SHLD2: variants seen among roughly 807,000 people sequenced by gnomAD.
SHLD2 encodes the protein shieldin complex subunit 2.
In SHLD2, 30 loss-of-function variants were observed where a neutral mutation model predicts 73.2. That is an observed-to-expected ratio of 0.41 (90% CI 0.31 to 0.56). SHLD2 has a LOEUF of 0.56. SHLD2 is among the 20% of genes least tolerant of loss of function. SHLD2 has a pLI of 0.28. For missense variants in SHLD2, 745 were observed against 1,055.9 expected, an observed-to-expected ratio of 0.71 and a Z score of 4.08; for synonymous variants, 285 against 370.1, an observed-to-expected ratio of 0.77 and a Z score of 2.64.
intron 7 of SHLD2, among the ~76,000 whole-genome samples, chr10:87,179,554 A>G (rs936840530): frequency 9.9e-5 from 15 of 152,126 alleles, no homozygotes; most frequent in African/African-American, 3.6e-4. Context: ...GGCGCCAGCC[A>G]CCGCGCCTGG....
intron 2 of SHLD2, among the ~76,000 whole-genome samples, chr10:87,117,810 A>C (rs1012279261): frequency 6.6e-5 from 10 of 152,128 alleles, no homozygotes; most frequent in Admixed American, 6.5e-4. Context: ...ACCCCAAAAA[A>C]CAAAAAACAG....
At chr10:87,145,051 C>T (rs1293650713) in intron 2 of SHLD2, among the ~76,000 whole-genome samples, 1 of 145,438 alleles carries the variant, frequency 6.9e-6, no homozygotes, top group Non-Finnish European at 1.5e-5. Context: ...CGCCATTCTT[C>T]TGCCTCAGCC....
chr10:87,148,638 G>A (rs1845799131), intron 2 of SHLD2, among the ~76,000 whole-genome samples: 2 of 151,910 alleles, frequency 1.3e-5, no homozygotes, highest in African/African-American at 4.8e-5. Flanking sequence ...AGCTATTTGG[G>A]AGGCTGTGGC....
chr10:87,107,106 AAAG>A (rs1355784077), intron 2 of SHLD2, among the ~76,000 whole-genome samples: 1 of 150,558 alleles, frequency 6.6e-6, no homozygotes, highest in Non-Finnish European at 1.5e-5. Context: ...AAAAAAAAAA[AAAG>A]AGATTTAAAA....
At chr10:87,104,477 T>C (rs902946603) in intron 2 of SHLD2, among the ~76,000 whole-genome samples, 21 of 146,356 alleles carry the variant, frequency 1.4e-4, no homozygotes, top group Non-Finnish European at 1.5e-5. Context: ...AACCCGGGAG[T>C]GAGCCGAGAT....
chr10:87,134,389 T>C (rs1430374873), intron 2 of SHLD2, among the ~76,000 whole-genome samples: 3 of 152,078 alleles, frequency 2.0e-5, no homozygotes, highest in African/African-American at 7.2e-5. Flanking sequence ...GAATCCACCA[T>C]AGATGAGGGG....
intron 2 of SHLD2, among the ~76,000 whole-genome samples, chr10:87,099,382 A>G (rs1788502002): frequency 6.6e-6 from 1 of 152,210 alleles, no homozygotes; most frequent in Non-Finnish European, 1.5e-5. Flanking sequence ...TGTCTCACTA[A>G]ATCAGTCTAT....
intron 4 of SHLD2, among the ~76,000 whole-genome samples, chr10:87,170,149 A>G (rs1589633050): frequency 6.6e-6 from 1 of 152,194 alleles, no homozygotes; most frequent in Non-Finnish European, 1.5e-5. Context: ...TGGCTGTTAC[A>G]GGGTGGTGGA....
At chr10:87,136,970 A>C (rs1032334075) in intron 2 of SHLD2, among the ~76,000 whole-genome samples, 42 of 152,230 alleles carry the variant, frequency 2.8e-4, no homozygotes, top group African/African-American at 9.9e-4. Context: ...GGATTGACTC[A>C]GACTCCCTTC....
At chr10:87,119,757 A>G (rs2134064156) in intron 2 of SHLD2, among the ~76,000 whole-genome samples, 1 of 147,514 alleles carries the variant, frequency 6.8e-6, no homozygotes, top group Admixed American at 6.8e-5. Flanking sequence ...CAGCCTGGGC[A>G]ACAGTGCAAG....
chr10:87,127,529 G>GCC lies in SHLD2; in HGVS notation c.-5-23813_-5-23812dup, dbSNP rs1225003390. Among the ~76,000 whole-genome samples, 18 of 24,368 alleles carry GCC rather than the reference G, an allele frequency of 7.4e-4. 1 individual carries two copies. Among genetic ancestry groups the GCC allele is most frequent in the South Asian group, 6.9e-3 (6 of 864 alleles). 16.0% of individuals were successfully genotyped at this position (24,368 alleles called of 152,430 possible). ...AGAATGTTTTTTGTCCCTCTTACCCGCCCCCCCCCACCCCGTCTGCCACCC... is the reference window on the plus strand; with the variant it reads ...AGAATGTTTTTTGTCCCTCTTACCCGCCCCCCCCCCCACCCCGTCTGCCACCC... On this transcript the variant is annotated intron_variant, in intron 2 of 9. Transcript: ENST00000298786.
intron 4 of SHLD2, among the ~76,000 whole-genome samples, chr10:87,166,008 A>G (rs10887698): frequency 0.33 from 49,644 of 151,918 alleles, 8,694 homozygotes; most frequent in South Asian, 0.47. Flanking sequence ...GGAATAGAAT[A>G]AAATTTTCCT....
At chr10:87,188,893 GA>G (rs1848814287) in intron 9 of SHLD2, among the ~76,000 whole-genome samples, 1 of 151,876 alleles carries the variant, frequency 6.6e-6, no homozygotes, top group Non-Finnish European at 1.5e-5. Context: ...ATCTTAATTA[GA>G]AGCCTCTCTC....
intron 2 of SHLD2, among the ~76,000 whole-genome samples, chr10:87,105,205 T>C (rs1474065637): frequency 6.6e-6 from 1 of 152,186 alleles, no homozygotes; most frequent in African/African-American, 2.4e-5. Flanking sequence ...AATTTCGGTA[T>C]GGTGTTAGAG....
At position 87,095,218 on chromosome 10, in the gene SHLD2, AGGCCGCACCCGCCTCC is replaced by A. The variant is rs1841724043; in HGVS notation, c.-88_-73del. ...CCCACGGGCGGCCGGATTTGCCCGG[AGGCCGCACCCGCCTCC>A]GGCGGGGCTCTCAGGTATGTGCGCC... On this transcript the variant is annotated 5_prime_UTR_variant, in exon 1 of 10. Coordinates refer to ENST00000298786, the MANE Select transcript of SHLD2 (RefSeq NM_001330112.2). 1 of 118,462 alleles carries A rather than the reference AGGCCGCACCCGCCTCC, an allele frequency of 8.4e-6. No homozygotes were observed. The highest frequency in any genetic ancestry group is 2.6e-4 in the South Asian group (1 of 3,846). The allele number at this position is 118,462 out of a possible 1,614,324, so 7.3% of individuals were successfully genotyped here. A position where few individuals can be genotyped will look rare whatever the true frequency, so the allele number is the denominator to read the frequency against.
At chr10:87,123,786 T>G (rs138245034) in intron 2 of SHLD2, among the ~76,000 whole-genome samples, 2,131 of 152,300 alleles carry the variant, frequency 0.014, 52 homozygotes, top group African/African-American at 0.048. Context: ...CCTTACTCCA[T>G]CCACCTGCTT....
At chr10:87,141,370 G>A (rs1589536903) in intron 2 of SHLD2, among the ~76,000 whole-genome samples, 1 of 142,944 alleles carries the variant, frequency 7.0e-6, no homozygotes, top group Non-Finnish European at 1.5e-5. Flanking sequence ...ATGGAGTTTC[G>A]CTCTTGTTGC....
chr10:87,180,408 C>T (rs1848231339), intron 8 of SHLD2, 105 bp downstream of exon 8: 5 of 1,432,484 alleles, frequency 3.5e-6, no homozygotes, highest in Middle Eastern at 2.5e-4. Context: ...TAGAGCTAGT[C>T]GAAGAGAATA....
chr10:87,110,951 C>T (rs1316709972), intron 2 of SHLD2, among the ~76,000 whole-genome samples: 2 of 151,084 alleles, frequency 1.3e-5, no homozygotes, highest in African/African-American at 4.9e-5. Context: ...TCAAGCGATT[C>T]TCCTGCCTCA....
Sources: allele counts gnomAD v4.1 joint callset (sites outside exome capture counted in the v4.1 genomes callset), GRCh38; gene constraint gnomAD v4.1.1; transcripts MANE v1.5; gene names NCBI Gene and HGNC (gene_info 2026-07-23, HGNC 2026-07-21).